ELAVL2: variants seen among roughly 807,000 people sequenced by gnomAD.
The protein encoded by ELAVL2 is ELAV like RNA binding protein 2, also known as ELAV-like protein 2.
ELAVL2 carries 4 observed loss-of-function variants against 34.6 expected under a neutral mutation model. The ratio of observed to expected loss-of-function variants is 0.12; its 90% CI spans 0.06 to 0.26. The LOEUF (loss-of-function observed/expected upper bound fraction) is 0.26. Among genes scored for constraint, ELAVL2 ranks in the 10% least tolerant of loss-of-function variants. The pLI, the probability that ELAVL2 is intolerant of heterozygous loss-of-function variation, is 1.00. For synonymous variants in ELAVL2, 193 were observed against 154.8 expected (o/e 1.25, Z -1.83); for missense variants, 432 against 442.8 (o/e 0.98, Z 0.22).
chr9:23,821,458 T>C (rs2064703429), intron 1 of ELAVL2: 1 of 152,154 alleles, frequency 6.6e-6, no homozygotes. Context: ...CCCCCACCAG[T>C]GTTCCCGCCC....
At chr9:23,830,511 C>G (rs2065464698), upstream of ELAVL2, among the ~76,000 whole-genome samples, 1 of 151,306 alleles carries the variant, frequency 6.6e-6, no homozygotes, top group South Asian at 2.1e-4. Flanking sequence ...ATGAATTGTT[C>G]ATTTAAATGT....
chr9:23,748,981 G>C (rs955235316), intron 2 of ELAVL2, among the ~76,000 whole-genome samples: 6 of 152,086 alleles, frequency 3.9e-5, no homozygotes, highest in African/African-American at 9.7e-5. Flanking sequence ...GGGAGCAAAG[G>C]AGGTGGGTGA....
chr9:23,820,462 T>C (rs756943822), intron 1 of ELAVL2, among the ~76,000 whole-genome samples: 2 of 152,132 alleles, frequency 1.3e-5, no homozygotes, highest in South Asian at 2.1e-4. Flanking sequence ...TTTCAGAAAA[T>C]GTAGAGACGA....
At chr9:23,737,374 A>C (rs1415735363) in intron 2 of ELAVL2, among the ~76,000 whole-genome samples, 4 of 152,234 alleles carry the variant, frequency 2.6e-5, no homozygotes, top group Admixed American at 6.5e-5. Context: ...TTCTGCCTTC[A>C]TAAGGAAGTC....
chr9:23,704,929 T>A lies in ELAVL2; in HGVS notation c.476A>T (p.Asp159Val). The A allele has an allele frequency of 6.2e-7, 1 of 1,614,056 alleles. No individual in the cohort carries two copies. Among genetic ancestry groups the A allele is most frequent in the Non-Finnish European group, 8.5e-7 (1 of 1,179,968 alleles). Residue 159 changes from aspartate (D) to valine (V), a missense_variant, in exon 4 of 7, where the codon GAC becomes GTC. Transcript: ENST00000397312. Reference protein sequence around the residue: ...GRIITSRILVDQVTGISRGVG... With the variant: ...GRIITSRILVVQVTGISRGVG... ...GGCTGTCTACTTACCAGTGACCTGG[T>A]CGACAAGAATACGAGAAGTAATAAT... is the stretch of plus-strand genomic sequence containing the variant.
chr9:23,709,847 C>T (rs1423891959), intron 3 of ELAVL2, among the ~76,000 whole-genome samples: 1 of 152,144 alleles, frequency 6.6e-6, no homozygotes, highest in African/African-American at 2.4e-5. Context: ...GCCAGAGAGT[C>T]TGCAATTTAA....
chr9:23,744,928 G>A (rs1035533708), intron 2 of ELAVL2, among the ~76,000 whole-genome samples: 1 of 152,012 alleles, frequency 6.6e-6, no homozygotes, highest in African/African-American at 2.4e-5. Flanking sequence ...CAAAAAAACA[G>A]GCTGGGCACA....
At position 23,800,213 on chromosome 9, in the gene ELAVL2, G is replaced by A. The variant is rs1413997768; in HGVS notation, c.-16+25593C>T. On this transcript the variant is annotated intron_variant, in intron 1 of 6. Coordinates refer to ENST00000397312, the MANE Select transcript of ELAVL2 (RefSeq NM_004432.5). ...ATTCCCATTCTGTAGGTCAGACATC[G>A]AAGGCTTGGATAGGTGGAGTGACTT... 3.3e-5 allele frequency among the ~76,000 whole-genome samples: 5 copies of A among 152,118 alleles called. No homozygotes were observed. The South Asian group carries it at 6.2e-4, about 19-fold the overall frequency.
chr9:23,706,941 A>C (rs1016860875), intron 3 of ELAVL2, among the ~76,000 whole-genome samples: 1 of 152,186 alleles, frequency 6.6e-6, no homozygotes, highest in East Asian at 1.9e-4. Flanking sequence ...GTTAACATTT[A>C]ATACTCTTCT....
In ELAVL2 at chr9:23,820,592, T is replaced by G. The variant is rs2064443552; in HGVS notation, c.-16+5214A>C. Among the ~76,000 whole-genome samples the G allele has an allele frequency of 2.0e-5, 3 of 152,200 alleles. No individual in the cohort carries two copies. In the South Asian group the frequency reaches 6.2e-4, roughly 32 times the overall value. The stretch of plus-strand genomic sequence containing the variant: ...CGCATCTAGAGGCATGGTTTTACGC[T>G]CTGGCCCTGAAGGATAACAAGGAGG... On this transcript the variant is annotated intron_variant, in intron 1 of 6. Coordinates refer to ENST00000397312, the MANE Select transcript of ELAVL2 (RefSeq NM_004432.5).
chr9:23,802,942 A>G lies in ELAVL2; in HGVS notation c.-16+22864T>C, dbSNP rs564312161. Among the ~76,000 whole-genome samples, 147 of 152,150 alleles carry G rather than the reference A, an allele frequency of 9.7e-4. 3 individuals are homozygous for G. In the South Asian group the frequency reaches 0.029, roughly 30 times the overall value. On this transcript the variant is annotated intron_variant, in intron 1 of 6. Transcript: ENST00000397312. ...ACTTTCTCATCTTAATTTCTTATAC[A>G]GTAAATATTTATACACATAACAAAC... is the stretch of plus-strand genomic sequence containing the variant.
intron 1 of ELAVL2, among the ~76,000 whole-genome samples, chr9:23,808,619 A>G (rs1458738465): frequency 2.0e-5 from 3 of 152,206 alleles, no homozygotes; most frequent in Admixed American, 1.3e-4. Context: ...ATGCTAGGAA[A>G]AGAGAGATAA....
At chr9:23,809,680 G>A (rs1372092334) in intron 1 of ELAVL2, among the ~76,000 whole-genome samples, 1 of 152,030 alleles carries the variant, frequency 6.6e-6, no homozygotes, top group Non-Finnish European at 1.5e-5. Context: ...CTGTTCCAGT[G>A]ACCTCCACAA....
At chr9:23,798,413 G>A (rs374457011) in intron 1 of ELAVL2, among the ~76,000 whole-genome samples, 3 of 151,760 alleles carry the variant, frequency 2.0e-5, no homozygotes, top group Non-Finnish European at 4.4e-5. Context: ...ATCACTCTAC[G>A]TGCCATTTCC....
chr9:23,784,664 T>C (rs1013000932), intron 1 of ELAVL2, among the ~76,000 whole-genome samples: 2 of 152,208 alleles, frequency 1.3e-5, no homozygotes, highest in Non-Finnish European at 2.9e-5. Context: ...TCCTCAACCA[T>C]TCCTTTTTAT....
intron 1 of ELAVL2, among the ~76,000 whole-genome samples, chr9:23,797,825 G>A (rs927332368): frequency 6.6e-6 from 1 of 152,228 alleles, no homozygotes; most frequent in African/African-American, 2.4e-5. Context: ...CTACTCGGGT[G>A]GCTGAGGCAG....
chr9:23,791,458 T>A (rs969157108), intron 1 of ELAVL2, among the ~76,000 whole-genome samples: 1 of 152,196 alleles, frequency 6.6e-6, no homozygotes, highest in African/African-American at 2.4e-5. Flanking sequence ...GTGACTATAT[T>A]TGAAAACAGG....
chr9:23,771,084 G>A (rs974849269), intron 1 of ELAVL2, among the ~76,000 whole-genome samples: 1 of 152,206 alleles, frequency 6.6e-6, no homozygotes, highest in Non-Finnish European at 1.5e-5. Flanking sequence ...GTGTGTGGGT[G>A]TGCAGGAAGA....
chr9:23,736,715 T>G (rs2047979530), intron 2 of ELAVL2, among the ~76,000 whole-genome samples: 2 of 152,192 alleles, frequency 1.3e-5, no homozygotes, highest in Non-Finnish European at 1.5e-5. Flanking sequence ...CCCTGATCAC[T>G]GCTACACTAT....
Sources: gnomAD v4.1 joint callset for allele counts (sites outside exome capture counted in the v4.1 genomes callset) on GRCh38, gnomAD v4.1.1 for gene constraint, MANE v1.5 for transcripts, NCBI Gene and HGNC (gene_info 2026-07-23, HGNC 2026-07-21) for gene names.